The following DDX4 variants were observed in gnomAD, a reference collection of about 807,000 sequenced individuals.
DDX4 encodes the protein DEAD-box helicase 4.
DDX4 carries 25 observed loss-of-function variants against 100.0 expected under a neutral mutation model. The ratio of observed to expected loss-of-function variants is 0.25; its 90% CI spans 0.18 to 0.35. The LOEUF (loss-of-function observed/expected upper bound fraction) is 0.35, where lower values mean the gene tolerates loss of function less well. DDX4 is among the 10% of genes least tolerant of loss of function. The probability of loss-of-function intolerance (pLI) is 1.00; values close to 1 mark genes in which losing one functional copy is unlikely to be tolerated. For missense variants in DDX4, 635 were observed against 882.4 expected (o/e 0.72, Z 3.55); for synonymous variants, 259 against 275.7 (o/e 0.94, Z 0.60).
intron 18 of DDX4, among the ~76,000 whole-genome samples, chr5:55,804,478 C>A (rs1660477852): frequency 6.6e-6 from 1 of 152,178 alleles, no homozygotes; most frequent in African/African-American, 2.4e-5. Flanking sequence ...AGTCTTTAAT[C>A]CATCTTGAAT....
At chr5:55,742,092 A>G (rs141982009) in intron 2 of DDX4, 6 of 445,808 alleles carry the variant, frequency 1.3e-5, no homozygotes, top group African/African-American at 1.0e-4. Context: ...CTCAATTCTA[A>G]ATTTTAAAGT....
intron 3 of DDX4, among the ~76,000 whole-genome samples, chr5:55,759,697 TTA>T (rs1467599508): frequency 6.6e-6 from 1 of 152,178 alleles, no homozygotes; most frequent in African/African-American, 2.4e-5. Context: ...AAAAATTTTT[TTA>T]TGTCTGTCTG....
intron 2 of DDX4, chr5:55,742,287 C>T: frequency 2.2e-6 from 1 of 453,590 alleles, no homozygotes; most frequent in South Asian, 1.6e-5. Flanking sequence ...TGCTTACTTA[C>T]TAGCTGTGAG....
intron 18 of DDX4, among the ~76,000 whole-genome samples, chr5:55,800,977 C>T (rs1341033025): frequency 6.6e-6 from 1 of 151,846 alleles, no homozygotes; most frequent in Non-Finnish European, 1.5e-5. Context: ...GCCCAACTGC[C>T]TTTTTCATAA....
intron 16 of DDX4, among the ~76,000 whole-genome samples, 164 bp downstream of exon 16, chr5:55,790,869 G>A (rs942590221): frequency 1.3e-5 from 2 of 152,096 alleles, no homozygotes; most frequent in Non-Finnish European, 2.9e-5. Context: ...CAAGATAATC[G>A]CAGGGAATAG....
At chr5:55,742,467 G>A (rs2150804648) in intron 2 of DDX4, among the ~76,000 whole-genome samples, 1 of 152,250 alleles carries the variant, frequency 6.6e-6, no homozygotes, top group Non-Finnish European at 1.5e-5. Flanking sequence ...AGCAGCAGTA[G>A]CAATGTTAGC....
intron 14 of DDX4, among the ~76,000 whole-genome samples, chr5:55,787,588 C>T (rs1016885524): frequency 3.3e-5 from 5 of 152,206 alleles, no homozygotes; most frequent in South Asian, 2.1e-4. Context: ...GTTTAGAATT[C>T]GTGGGTATGC....
At chr5:55,760,083 C>A in intron 3 of DDX4, 117 bp from the exon 4 acceptor site, 1 of 1,018,708 alleles carries the variant, frequency 9.8e-7, no homozygotes, top group Non-Finnish European at 1.4e-6. Context: ...TGTTTGTCAC[C>A]TTTTTTACTG....
chr5:55,807,131 A>G (rs1434439959), intron 18 of DDX4, among the ~76,000 whole-genome samples: 1 of 152,122 alleles, frequency 6.6e-6, no homozygotes, highest in Non-Finnish European at 1.5e-5. Context: ...TTTATCAGAG[A>G]CTAGGATTGC....
chr5:55,787,286 A>G (rs1434658050), intron 14 of DDX4, among the ~76,000 whole-genome samples: 2 of 152,182 alleles, frequency 1.3e-5, no homozygotes, highest in Non-Finnish European at 2.9e-5. Flanking sequence ...GCAGCTGATG[A>G]GAGTGTTAAA....
chr5:55,753,658 C>G (rs1759724460), intron 3 of DDX4, among the ~76,000 whole-genome samples: 1 of 146,798 alleles, frequency 6.8e-6, no homozygotes, highest in Non-Finnish European at 1.5e-5. Flanking sequence ...GATGCGGGCT[C>G]TTTTTTGGTT....
intron 17 of DDX4, among the ~76,000 whole-genome samples, chr5:55,795,291 G>T (rs963754502): frequency 6.6e-6 from 1 of 152,096 alleles, no homozygotes; most frequent in Non-Finnish European, 1.5e-5. Context: ...ACTTCTTGGG[G>T]TGTTTGTTCT....
At chr5:55,769,309 G>C (rs1185404405) in intron 7 of DDX4, among the ~76,000 whole-genome samples, 1 of 151,962 alleles carries the variant, frequency 6.6e-6, no homozygotes, top group African/African-American at 2.4e-5. Flanking sequence ...CTAAGGAAGG[G>C]GTCCAGTTTC....
At chr5:55,788,580 TC>T in intron 15 of DDX4, among the ~76,000 whole-genome samples, 1 of 152,358 alleles carries the variant, frequency 6.6e-6, no homozygotes, top group South Asian at 2.1e-4. Context: ...CTCAGGGTAT[TC>T]TAATAATTTC....
intron 18 of DDX4, among the ~76,000 whole-genome samples, chr5:55,808,729 T>G (rs1041839863): frequency 1.4e-4 from 22 of 152,210 alleles, no homozygotes; most frequent in Admixed American, 1.3e-3. Flanking sequence ...CTGCCCCTAC[T>G]GGGGGTGCCT....
intron 17 of DDX4, among the ~76,000 whole-genome samples, chr5:55,796,880 C>T (rs1460462542): frequency 3.4e-5 from 4 of 116,238 alleles, no homozygotes; most frequent in African/African-American, 9.9e-5. Context: ...TCACTCTTCT[C>T]GCCCAGGCTG....
At chr5:55,740,089 A>T (rs1758893411) in intron 2 of DDX4, among the ~76,000 whole-genome samples, 1 of 152,144 alleles carries the variant, frequency 6.6e-6, no homozygotes, top group Non-Finnish European at 1.5e-5. Flanking sequence ...GGAAAAGTGG[A>T]GAAAGTCACC....
intron 17 of DDX4, among the ~76,000 whole-genome samples, chr5:55,795,074 T>C (rs1742842538): frequency 6.6e-6 from 1 of 151,178 alleles, no homozygotes; most frequent in Non-Finnish European, 1.5e-5. Flanking sequence ...CAAGCGACTC[T>C]CCTCCCTCAG....
rs375133678 is a variant in DDX4, at chr5:55,815,396, C to T, written c.2070C>T (p.Asn690=). 19 of 1,612,858 alleles carry T rather than the reference C, an allele frequency of 1.2e-5. No individual in the cohort carries two copies. The highest frequency in any genetic ancestry group is 5.3e-5 in the African/African-American group (4 of 74,822). Residue 690 remains asparagine, a synonymous_variant, in exon 21 of 22, where the codon AAC becomes AAT. Transcript: ENST00000505374. ...IPGFSGSTRG[N]VFASVDTRKG... ...GCTTCAGTGGTAGTACAAGAGGAAA[C>T]GTGTTTGCATCAGTTGATACCAGAA...
Sources: gnomAD v4.1 joint callset for allele counts (sites outside exome capture counted in the v4.1 genomes callset) on GRCh38, gnomAD v4.1.1 for gene constraint, MANE v1.5 for transcripts, NCBI Gene and HGNC (gene_info 2026-07-23, HGNC 2026-07-21) for gene names.